Variants in NRXN3 observed in about 807,000 individuals in gnomAD.
NRXN3 encodes neurexin III.
A neutral mutation model predicts 137.6 loss-of-function variants in NRXN3; 32 were observed. The ratio of observed to expected loss-of-function variants is 0.23; its 90% CI spans 0.18 to 0.31. The LOEUF is 0.31. Among genes scored for constraint, NRXN3 ranks in the 10% least tolerant of loss-of-function variants. NRXN3 has a pLI of 1.00. For synonymous variants in NRXN3, 798 were observed against 784.5 expected, an observed-to-expected ratio of 1.02 and a Z score of -0.29; for missense variants, 1,574 against 2,062.5, an observed-to-expected ratio of 0.76 and a Z score of 4.59.
intron 14 of NRXN3, among the ~76,000 whole-genome samples, chr14:78,971,323 G>A (rs556709089): frequency 2.2e-3 from 339 of 152,002 alleles, no homozygotes; most frequent in Non-Finnish European, 3.6e-3. Flanking sequence ...CTTTTACATA[G>A]AACAGTAAAC....
chr14:79,018,011 G>A lies in NRXN3; in HGVS notation c.3262+29870G>A, dbSNP rs1313669151. 5.3e-5 allele frequency among the ~76,000 whole-genome samples: 8 copies of A among 152,008 alleles called. No homozygotes were observed. In the South Asian group the frequency reaches 8.3e-4, roughly 16 times the overall value. On this transcript the variant is annotated intron_variant, in intron 15 of 20. Coordinates refer to ENST00000335750, the MANE Select transcript of NRXN3 (RefSeq NM_001330195.2). ...ATGGTGGCTCATGACTGTAATCCTC[G>A]CACTTTGGGAGGCTGAGGCGGGAGG...
At chr14:78,174,912 G>T (rs2059118689) in intron 1 of NRXN3, among the ~76,000 whole-genome samples, 1 of 152,204 alleles carries the variant, frequency 6.6e-6, no homozygotes, top group African/African-American at 2.4e-5. Flanking sequence ...GGGTGAAATT[G>T]AGGGTTTTCC....
chr14:78,575,646 G>T (rs1013412976), intron 4 of NRXN3, among the ~76,000 whole-genome samples: 1 of 152,160 alleles, frequency 6.6e-6, no homozygotes, highest in Non-Finnish European at 1.5e-5. Context: ...TTCTAATGGC[G>T]AGTCATAAGT....
At chr14:79,165,127 A>G (rs2061166495) in intron 15 of NRXN3, among the ~76,000 whole-genome samples, 1 of 152,000 alleles carries the variant, frequency 6.6e-6, no homozygotes, top group South Asian at 2.1e-4. Flanking sequence ...GCAAATGGTT[A>G]TTGCCTAGTA....
intron 4 of NRXN3, among the ~76,000 whole-genome samples, chr14:78,497,776 C>A (rs2095812515): frequency 6.6e-6 from 1 of 152,136 alleles, no homozygotes; most frequent in Admixed American, 6.6e-5. Context: ...TTAAATTCTG[C>A]CCATTACTTT....
intron 1 of NRXN3, among the ~76,000 whole-genome samples, chr14:78,194,938 A>G (rs989869711): frequency 3.9e-5 from 6 of 152,144 alleles, no homozygotes; most frequent in Admixed American, 6.5e-5. Flanking sequence ...AAGTGGCTCA[A>G]TTGATGACCT....
At chr14:79,413,842 T>C (rs1015441534) in intron 15 of NRXN3, among the ~76,000 whole-genome samples, 1 of 126,644 alleles carries the variant, frequency 7.9e-6, no homozygotes, top group Non-Finnish European at 1.5e-5. Context: ...AAGCCTGTCA[T>C]GAACTGTGAG....
At chr14:79,248,268 T>C (rs2075471652) in intron 15 of NRXN3, among the ~76,000 whole-genome samples, 1 of 152,164 alleles carries the variant, frequency 6.6e-6, no homozygotes, top group South Asian at 2.1e-4. Flanking sequence ...TTTTGAGCAT[T>C]ATCCCATTTC....
intron 16 of NRXN3, among the ~76,000 whole-genome samples, chr14:79,565,616 A>T (rs539820907): frequency 1.3e-5 from 2 of 152,088 alleles, no homozygotes; most frequent in East Asian, 3.9e-4. Context: ...GGTGGAAATT[A>T]CCAATAGGCA....
At chr14:79,299,275 C>G (rs1490865264) in intron 15 of NRXN3, among the ~76,000 whole-genome samples, 1 of 151,852 alleles carries the variant, frequency 6.6e-6, no homozygotes, top group East Asian at 2.0e-4. Context: ...GAATCACAGC[C>G]ATGTAGAGGA....
intron 10 of NRXN3, among the ~76,000 whole-genome samples, chr14:78,859,627 A>G (rs2099067113): frequency 1.3e-5 from 2 of 152,062 alleles, no homozygotes; most frequent in Non-Finnish European, 2.9e-5. Flanking sequence ...TTGTTGATCT[A>G]ATTATTGGTA....
chr14:78,624,058 T>A (rs191040363), intron 4 of NRXN3, among the ~76,000 whole-genome samples: 15 of 152,354 alleles, frequency 9.8e-5, no homozygotes, highest in Admixed American at 9.1e-4. Context: ...TAGCGTGCCC[T>A]TTCAGCCCAA....
chr14:79,371,571 G>T (rs992270053), intron 15 of NRXN3, among the ~76,000 whole-genome samples: 2 of 151,996 alleles, frequency 1.3e-5, no homozygotes, highest in Non-Finnish European at 2.9e-5. Flanking sequence ...TTTTAGCTGT[G>T]TATAGTCTGG....
chr14:78,543,041 A>G (rs1228000584), intron 4 of NRXN3, among the ~76,000 whole-genome samples: 1 of 152,086 alleles, frequency 6.6e-6, no homozygotes, highest in African/African-American at 2.4e-5. Flanking sequence ...GATATCTGGC[A>G]TACTATGAGA....
At chr14:79,703,604 C>T (rs539352934) in intron 19 of NRXN3, among the ~76,000 whole-genome samples, 28 of 152,104 alleles carry the variant, frequency 1.8e-4, no homozygotes, top group Admixed American at 1.2e-3. Context: ...TCATGATGGC[C>T]GGAGAGAGAA....
chr14:78,262,752 A>G (rs2070975852), intron 2 of NRXN3, among the ~76,000 whole-genome samples: 1 of 152,208 alleles, frequency 6.6e-6, no homozygotes, highest in Non-Finnish European at 1.5e-5. Context: ...AACATCTAAA[A>G]GGTTCTCAAC....
At chr14:79,756,739 A>G (rs2099020936) in intron 19 of NRXN3, among the ~76,000 whole-genome samples, 1 of 152,210 alleles carries the variant, frequency 6.6e-6, no homozygotes, top group South Asian at 2.1e-4. Flanking sequence ...TATTTTGCCT[A>G]GAGAATTTTG....
At chr14:79,671,590 G>C (rs2098608186) in intron 17 of NRXN3, among the ~76,000 whole-genome samples, 1 of 151,960 alleles carries the variant, frequency 6.6e-6, no homozygotes, top group South Asian at 2.1e-4. Flanking sequence ...GGTTTGTTTT[G>C]CCATTTAATA....
chr14:79,751,800 A>C (rs2154090438), intron 19 of NRXN3, among the ~76,000 whole-genome samples: 1 of 151,954 alleles, frequency 6.6e-6, no homozygotes, highest in Non-Finnish European at 1.5e-5. Context: ...GAATTTTGTC[A>C]AAGGCCTTTT....
Sources: allele counts gnomAD v4.1 joint callset (sites outside exome capture counted in the v4.1 genomes callset), GRCh38; gene constraint gnomAD v4.1.1; transcripts MANE v1.5; gene names NCBI Gene and HGNC (gene_info 2026-07-23, HGNC 2026-07-21).